EBF1: variants seen among roughly 807,000 people sequenced by gnomAD.
EBF1 encodes the protein transcription factor COE1.
A neutral mutation model predicts 68.4 loss-of-function variants in EBF1; 10 were observed. The ratio of observed to expected loss-of-function variants is 0.15; its 90% confidence interval spans 0.09 to 0.25. The LOEUF (loss-of-function observed/expected upper bound fraction) is 0.25, where lower values mean the gene tolerates loss of function less well. Among genes scored for constraint, EBF1 ranks in the 10% least tolerant of loss-of-function variants. EBF1 has a pLI of 1.00. For synonymous variants in EBF1, 298 were observed against 299.8 expected, an observed-to-expected ratio of 0.99 and a Z score of 0.06; for missense variants, 509 against 794.4, an observed-to-expected ratio of 0.64 and a Z score of 4.32.
At chr5:159,023,477 A>G (rs369126847) in intron 6 of EBF1, among the ~76,000 whole-genome samples, 1 of 152,192 alleles carries the variant, frequency 6.6e-6, no homozygotes, top group Non-Finnish European at 1.5e-5. Context: ...CCTGTGCCTC[A>G]TACTGATAGA....
chr5:158,893,603 G>A (rs1801613038), intron 6 of EBF1, among the ~76,000 whole-genome samples: 1 of 152,090 alleles, frequency 6.6e-6, no homozygotes, highest in Non-Finnish European at 1.5e-5. Context: ...TGAAGAATCT[G>A]CTCACTTAAT....
chr5:158,931,646 C>T (rs78883009), intron 6 of EBF1, among the ~76,000 whole-genome samples: 3,290 of 152,238 alleles, frequency 0.022, 62 homozygotes, highest in Middle Eastern at 0.041. Context: ...CAGTCACTTG[C>T]TTTTTATTGG....
In EBF1 at chr5:159,025,876, G is replaced by A. The variant is rs145983500; in HGVS notation, c.554+47520C>T. 9.3e-4 allele frequency among the ~76,000 whole-genome samples: 141 copies of A among 152,314 alleles called. No individual in the cohort carries two copies. In the East Asian group the frequency reaches 0.024, roughly 26 times the overall value. On this transcript the variant is annotated intron_variant, in intron 6 of 15. Coordinates refer to ENST00000313708, the MANE Select transcript of EBF1 (RefSeq NM_024007.5). ...TGGAAAAAAGCCCTGGGCAATTCAA[G>A]TGAAGCAACAACTTGGTGATTTTCT...
chr5:158,769,384 T>C (rs534228409), intron 10 of EBF1, among the ~76,000 whole-genome samples: 1 of 151,610 alleles, frequency 6.6e-6, no homozygotes, highest in African/African-American at 2.4e-5. Context: ...TTTAGACCTC[T>C]AATGTCAGTG....
chr5:159,096,367 G>T lies in EBF1; in HGVS notation c.331C>A (p.Arg111=), dbSNP rs773008354. ...SEKTNNGIHY[R]LQLLYSNGIR... ...CCATTGCTGTAGAGAAGCTGAAGCCGGTAGTGAATTCCGTTATTGGTCTTT... is the reference window on the plus strand; with the variant it reads ...CCATTGCTGTAGAGAAGCTGAAGCCTGTAGTGAATTCCGTTATTGGTCTTT... Residue 111 remains arginine (R), a synonymous_variant, in exon 3 of 16, where the codon CGG becomes AGG. Transcript: ENST00000313708. 2.0e-5 allele frequency: 33 copies of T among 1,613,602 alleles called. No individual in the cohort carries two copies. Among genetic ancestry groups the T allele is most frequent in the Non-Finnish European group, 2.7e-5 (32 of 1,179,858 alleles).
At chr5:159,094,563 T>A (rs1034471005) in intron 4 of EBF1, among the ~76,000 whole-genome samples, 1 of 152,182 alleles carries the variant, frequency 6.6e-6, no homozygotes, top group Non-Finnish European at 1.5e-5. Flanking sequence ...AAATAATTTT[T>A]AAATATGCAT....
At chr5:158,791,318 CAAAAAAAA>C (rs70987931) in intron 9 of EBF1, among the ~76,000 whole-genome samples, 9 of 69,096 alleles carry the variant, frequency 1.3e-4, no homozygotes, top group African/African-American at 4.5e-4. Flanking sequence ...GATTCCATCT[CAAAAAAAA>C]AAAAAAAAAA....
intron 13 of EBF1, among the ~76,000 whole-genome samples, chr5:158,712,701 T>C (rs1759678627): frequency 6.6e-6 from 1 of 152,124 alleles, no homozygotes; most frequent in Admixed American, 6.5e-5. Context: ...TTTAATTCCA[T>C]CCCTCTCTGT....
intron 6 of EBF1, among the ~76,000 whole-genome samples, chr5:158,870,753 AC>A (rs1339069032): frequency 2.6e-5 from 4 of 152,170 alleles, no homozygotes; most frequent in African/African-American, 9.7e-5. Context: ...AAGGTCTGAA[AC>A]CTGAACCAAC....
At chr5:158,947,578 A>C (rs1815055686) in intron 6 of EBF1, among the ~76,000 whole-genome samples, 1 of 152,202 alleles carries the variant, frequency 6.6e-6, no homozygotes, top group South Asian at 2.1e-4. Context: ...GAAATGCAGA[A>C]ATCACCTGCC....
At chr5:159,009,139 A>C (rs1418540418) in intron 6 of EBF1, among the ~76,000 whole-genome samples, 2 of 151,836 alleles carry the variant, frequency 1.3e-5, no homozygotes, top group Admixed American at 6.6e-5. Flanking sequence ...GAAGGAGAAA[A>C]CCCCCCAGAA....
At chr5:158,892,798 A>G (rs1052698480) in intron 6 of EBF1, among the ~76,000 whole-genome samples, 1 of 152,210 alleles carries the variant, frequency 6.6e-6, no homozygotes, top group Non-Finnish European at 1.5e-5. Context: ...TTACAAAAAA[A>G]GAAAGAAGTG....
chr5:158,997,987 C>G (rs1423173521), intron 6 of EBF1, among the ~76,000 whole-genome samples: 1 of 152,162 alleles, frequency 6.6e-6, no homozygotes, highest in Non-Finnish European at 1.5e-5. Flanking sequence ...CCATTTCCTT[C>G]CCCTCCCCTG....
chr5:158,839,939 A>T, intron 7 of EBF1, 90 bp downstream of exon 7: 1 of 1,319,330 alleles, frequency 7.6e-7, no homozygotes, highest in Non-Finnish European at 1.1e-6. Context: ...CTCTGGGAAA[A>T]AAAGCTACGT....
At chr5:159,096,891 AG>A in intron 2 of EBF1, 82 bp downstream of exon 2, 1 of 1,518,880 alleles carries the variant, frequency 6.6e-7, no homozygotes, top group South Asian at 1.2e-5. Flanking sequence ...TTTGCACTCA[AG>A]GAAGGGCGCG....
chr5:158,885,598 C>T (rs1033438316), intron 6 of EBF1, among the ~76,000 whole-genome samples: 1 of 152,126 alleles, frequency 6.6e-6, no homozygotes, highest in Non-Finnish European at 1.5e-5. Context: ...GTTTATTGAG[C>T]ACCTGCTATG....
intron 6 of EBF1, among the ~76,000 whole-genome samples, chr5:158,915,475 G>A (rs770046010): frequency 4.6e-5 from 7 of 152,208 alleles, no homozygotes; most frequent in Non-Finnish European, 8.8e-5. Context: ...CCACAGCAGC[G>A]GGGCCATCTC....
chr5:159,098,686 G>A (rs1562015679), intron 1 of EBF1, among the ~76,000 whole-genome samples: 1 of 149,926 alleles, frequency 6.7e-6, no homozygotes, highest in East Asian at 2.0e-4. Context: ...ATGAAAGAAA[G>A]AAGAAAGAAA....
At chr5:158,977,425 T>C (rs1756992995) in intron 6 of EBF1, among the ~76,000 whole-genome samples, 1 of 152,228 alleles carries the variant, frequency 6.6e-6, no homozygotes, top group South Asian at 2.1e-4. Context: ...ACGGTTTCTT[T>C]CAACAAACTA....
Sources: allele counts gnomAD v4.1 joint callset (sites outside exome capture counted in the v4.1 genomes callset), GRCh38; gene constraint gnomAD v4.1.1; transcripts MANE v1.5; gene names NCBI Gene and HGNC (gene_info 2026-07-23, HGNC 2026-07-21).